The following ADD2 variants were observed in gnomAD, a reference collection of about 807,000 sequenced individuals.
ADD2 encodes beta-adducin.
A neutral mutation model predicts 83.0 loss-of-function variants in ADD2; 23 were observed. The ratio of observed to expected loss-of-function variants is 0.28; its 90% CI spans 0.20 to 0.39. The LOEUF is 0.39. ADD2 is among the 10% of genes least tolerant of loss of function. The probability of loss-of-function intolerance (pLI) is 1.00; values close to 1 mark genes in which losing one functional copy is unlikely to be tolerated. For missense variants in ADD2, 758 were observed against 944.9 expected (o/e 0.80, Z 2.59); for synonymous variants, 375 against 375.4 (o/e 1.00, Z 0.01).
intron 9 of ADD2, among the ~76,000 whole-genome samples, chr2:70,685,013 C>A (rs1670646735): frequency 6.6e-6 from 1 of 152,078 alleles, no homozygotes; most frequent in Non-Finnish European, 1.5e-5. Context: ...GTTTGGCTTC[C>A]TGGATGACAA....
At chr2:70,685,311 C>T (rs1443422318) in intron 9 of ADD2, among the ~76,000 whole-genome samples, 4 of 152,148 alleles carry the variant, frequency 2.6e-5, no homozygotes, top group South Asian at 4.1e-4. Context: ...TTAACAAATG[C>T]CCCTGTGATA....
chr2:70,702,986 G>A (rs1309485462), intron 4 of ADD2, among the ~76,000 whole-genome samples: 1 of 151,992 alleles, frequency 6.6e-6, no homozygotes, highest in African/African-American at 2.4e-5. Context: ...AATTAGCCAG[G>A]CATGTGGTGC....
chr2:70,711,599 G>A (rs1483447687), intron 2 of ADD2, among the ~76,000 whole-genome samples: 4 of 152,148 alleles, frequency 2.6e-5, no homozygotes, highest in South Asian at 4.2e-4. Flanking sequence ...AAAAACTCTG[G>A]ACAGCAAGGT....
rs782440062 is a variant in ADD2, at chr2:70,704,326, G to A, written c.317C>T (p.Ser106Phe). The A allele has an allele frequency of 1.3e-6, 2 of 1,532,100 alleles. No homozygotes were observed. The highest frequency in any genetic ancestry group is 1.8e-6 in the Non-Finnish European group (2 of 1,128,604). 94.9% of individuals were successfully genotyped at this position (1,532,100 alleles called of 1,614,324 possible). Residue 106 changes from serine (S) to phenylalanine (F), a missense_variant, in exon 4 of 16, where the codon TCC (serine) becomes TTC (phenylalanine). By Grantham distance (155) the Ser-to-Phe change is radical. Around this residue, in one of 5 missense-constraint regions of ADD2, gnomAD observed 175 missense variants for 192.1 expected, o/e 0.91. Coordinates refer to ENST00000264436, the MANE Select transcript of ADD2 (RefSeq NM_001617.4). Reference sequence around the variant, plus strand: ...GCTCCCCAGACACCACATACTCATGGAAGATGTCGGGAAGACTGCGTGGGA... The same window carrying A: ...GCTCCCCAGACACCACATACTCATGAAAGATGTCGGGAAGACTGCGTGGGA... ...STSHAVFPTS[S>F]MNVSMMTPIN... is the part of the protein sequence containing the mutation.
chr2:70,734,666 C>A (rs545506951), intron 1 of ADD2, among the ~76,000 whole-genome samples: 1 of 152,280 alleles, frequency 6.6e-6, no homozygotes, highest in East Asian at 1.9e-4. Flanking sequence ...TGGGGATATG[C>A]TCTGTGGAAG....
intron 1 of ADD2, among the ~76,000 whole-genome samples, chr2:70,750,190 C>G (rs184812444): frequency 4.6e-5 from 7 of 152,182 alleles, no homozygotes; most frequent in African/African-American, 1.4e-4. Flanking sequence ...CCTTAGGAAA[C>G]AATGCTCCAA....
rs1165970841 is a variant in ADD2 at position 70,657,094 on chromosome 2, T to C, written c.*6331A>G. Reference sequence around the variant, plus strand: ...AACCACCGATCTGCACGTCAGTGGCTCAAAAAGTGTTAGCATAGAGAAAGG... The same window carrying C: ...AACCACCGATCTGCACGTCAGTGGCCCAAAAAGTGTTAGCATAGAGAAAGG... On this transcript the variant is annotated 3_prime_UTR_variant, in exon 16 of 16. Transcript: ENST00000264436. 6.6e-6 allele frequency: 1 copy of C among 151,942 alleles called. No individual in the cohort carries two copies. Among genetic ancestry groups the C allele is most frequent in the Admixed American group, 6.6e-5 (1 of 15,252 alleles). The allele number at this position is 151,942 out of a possible 1,614,324, so 9.4% of individuals were successfully genotyped here. A position where few individuals can be genotyped will look rare whatever the true frequency, so the allele number is the denominator to read the frequency against.
chr2:70,669,565 G>C (rs574562756), intron 15 of ADD2, among the ~76,000 whole-genome samples: 1 of 152,190 alleles, frequency 6.6e-6, no homozygotes, highest in East Asian at 1.9e-4. Context: ...GTTCCTCTAA[G>C]TACCCAAATA....
intron 1 of ADD2, among the ~76,000 whole-genome samples, chr2:70,723,601 C>G (rs1257072915): frequency 6.6e-6 from 1 of 152,214 alleles, no homozygotes; most frequent in Non-Finnish European, 1.5e-5. Flanking sequence ...GTGGGCTCCA[C>G]TTTTCCGTCT....
At chr2:70,751,301 G>A (rs1231273207) in intron 1 of ADD2, among the ~76,000 whole-genome samples, 1 of 152,150 alleles carries the variant, frequency 6.6e-6, no homozygotes, top group Non-Finnish European at 1.5e-5. Context: ...GGATGAGGTC[G>A]GAGCAGCAGG....
intron 1 of ADD2, among the ~76,000 whole-genome samples, chr2:70,726,186 C>CAAT (rs1672989956): frequency 2.2e-5 from 1 of 45,486 alleles, no homozygotes; most frequent in African/African-American, 7.8e-5. Context: ...GACTCCATCT[C>CAAT]AAAAAAAAAA....
In ADD2 at chr2:70,676,792, C is replaced by G; in HGVS notation, c.1593+4G>C. 1 of 1,614,218 alleles carries G rather than the reference C, an allele frequency of 6.2e-7. No homozygotes were observed. Among genetic ancestry groups the G allele is most frequent in the Non-Finnish European group, 8.5e-7 (1 of 1,180,032 alleles). ...CCGCCAGTCAGGGGCAGCCTCTGCTCTACCGGGCTTCGGCTCTTCTCGGCA... is the reference window on the plus strand; with the variant it reads ...CCGCCAGTCAGGGGCAGCCTCTGCTGTACCGGGCTTCGGCTCTTCTCGGCA... On this transcript the variant is annotated splice_donor_region_variant and intron_variant, in intron 13 of 15. Transcript: ENST00000264436. This position sits in a 1 kb window ranked among gnomAD's most constrained non-coding sequence, Gnocchi z 4.8.
At chr2:70,731,122 G>A (rs1375507587) in intron 1 of ADD2, among the ~76,000 whole-genome samples, 1 of 152,190 alleles carries the variant, frequency 6.6e-6, no homozygotes, top group Non-Finnish European at 1.5e-5. Context: ...AGTGCTTAGG[G>A]GAATATATCA....
At chr2:70,712,021 T>C (rs868994134) in intron 2 of ADD2, among the ~76,000 whole-genome samples, 35 of 152,164 alleles carry the variant, frequency 2.3e-4, no homozygotes, top group African/African-American at 8.0e-4. Context: ...TTGAATTGAA[T>C]TGTAGGACAG....
chr2:70,716,086 A>G (rs1553376315), intron 1 of ADD2, among the ~76,000 whole-genome samples: 1 of 152,042 alleles, frequency 6.6e-6, no homozygotes, highest in African/African-American at 2.4e-5. Context: ...AGCCTTTATT[A>G]CCAAAATGGC....
intron 7 of ADD2, among the ~76,000 whole-genome samples, chr2:70,692,167 T>C (rs1671073267): frequency 6.6e-6 from 1 of 152,234 alleles, no homozygotes. Flanking sequence ...TAGCAGGTAC[T>C]GCTTGTGTAT....
chr2:70,694,658 A>G (rs1671215462), intron 6 of ADD2, among the ~76,000 whole-genome samples: 1 of 152,004 alleles, frequency 6.6e-6, no homozygotes, highest in Non-Finnish European at 1.5e-5. Flanking sequence ...ACCATGATCT[A>G]AGTCTGCTTA....
At chr2:70,759,141 A>G (rs987931663) in intron 1 of ADD2, among the ~76,000 whole-genome samples, 6 of 152,188 alleles carry the variant, frequency 3.9e-5, no homozygotes, top group Non-Finnish European at 8.8e-5. Flanking sequence ...ACAGCTGGAA[A>G]AAAGGCACAG....
intron 3 of ADD2, 122 bp from the exon 4 acceptor site, chr2:70,704,581 C>T: frequency 8.4e-7 from 1 of 1,193,246 alleles, no homozygotes; most frequent in South Asian, 1.5e-5. Context: ...TGCTCAGGGT[C>T]CCCAGCTACA....
Sources: allele counts gnomAD v4.1 joint callset (sites outside exome capture counted in the v4.1 genomes callset), GRCh38; gene constraint gnomAD v4.1.1; regional missense constraint gnomAD v4.1.1; non-coding constraint Gnocchi (gnomAD v3.1); transcripts MANE v1.5; gene names NCBI Gene and HGNC (gene_info 2026-07-23, HGNC 2026-07-21).